Variants in ACSS3 observed in about 807,000 individuals in gnomAD.
ACSS3 encodes acyl-CoA synthetase short-chain family member 3, mitochondrial.
ACSS3 carries 64 observed loss-of-function variants against 84.2 expected under a neutral mutation model. The ratio of observed to expected loss-of-function variants is 0.76; its 90% CI spans 0.62 to 0.94. The LOEUF (loss-of-function observed/expected upper bound fraction) is 0.94, where lower values mean the gene tolerates loss of function less well. Among genes scored for constraint, ACSS3 ranks in the 40% least tolerant of loss-of-function variants. ACSS3 has a pLI of 0.00. For synonymous variants in ACSS3, 317 were observed against 310.1 expected, an observed-to-expected ratio of 1.02 and a Z score of -0.23; for missense variants, 815 against 867.6, an observed-to-expected ratio of 0.94 and a Z score of 0.76.
chr12:81,225,912 T>C (rs2033259016), intron 11 of ACSS3, among the ~76,000 whole-genome samples: 1 of 151,938 alleles, frequency 6.6e-6, no homozygotes, highest in Non-Finnish European at 1.5e-5. Flanking sequence ...TCTTCTCTAC[T>C]GTTCAAATCT....
chr12:81,216,764 A>C, intron 9 of ACSS3, 137 bp from the exon 10 acceptor site: 1 of 493,316 alleles, frequency 2.0e-6, no homozygotes, highest in Middle Eastern at 4.8e-4. Context: ...TTTAAATAAT[A>C]TATTTGCACT....
At chr12:81,214,679 T>G (rs182736671) in intron 9 of ACSS3, among the ~76,000 whole-genome samples, 39 of 152,288 alleles carry the variant, frequency 2.6e-4, no homozygotes, top group East Asian at 1.2e-3. Flanking sequence ...TGCAGCTTTA[T>G]TTAAGACTAG....
At position 81,220,081 on chromosome 12, in the gene ACSS3, G is replaced by A; in HGVS notation, c.1514+5G>A. The A allele has an allele frequency of 6.5e-7, 1 of 1,529,278 alleles. No individual in the cohort carries two copies. The highest frequency in any genetic ancestry group is 1.4e-5 in the African/African-American group (1 of 71,650). The allele number at this position is 1,529,278 out of a possible 1,614,324, so 94.7% of individuals were successfully genotyped here. On this transcript the variant is annotated splice_donor_5th_base_variant and intron_variant, in intron 11 of 15. Transcript: ENST00000548058. ...TTTAGGAAATATTGTGGTAAAGTAA[G>A]CAAAAATTTCAATACTACTATATTA...
chr12:81,216,195 T>C (rs1264875557), intron 9 of ACSS3, among the ~76,000 whole-genome samples: 2 of 151,404 alleles, frequency 1.3e-5, no homozygotes, highest in Admixed American at 6.6e-5. Context: ...TTTTTATTTT[T>C]ATTATTATTA....
Position 81,231,070 on chromosome 12 carries a change from C to A in ACSS3, c.1528C>A (p.Pro510Thr), listed in dbSNP as rs372804640. 3 of 1,610,414 alleles carry A rather than the reference C, an allele frequency of 1.9e-6. No homozygotes were observed. Among genetic ancestry groups the A allele is most frequent in the Non-Finnish European group, 2.5e-6 (3 of 1,178,026 alleles). The change falls in exon 12 of 16, where the codon CCT (proline) becomes ACT (threonine). Residue 510 changes from proline (P) to threonine (T), a missense_variant. Coordinates refer to ENST00000548058, the MANE Select transcript of ACSS3 (RefSeq NM_024560.4). ...TTTTTATATAAGGTTACCATTGCCA[C>A]CTGGGGCTTTTTCAGGACTCTGGAA... ...GNIVVKLPLP[P>T]GAFSGLWKNQ...
intron 5 of ACSS3, among the ~76,000 whole-genome samples, chr12:81,147,011 A>G (rs922673900): frequency 6.6e-6 from 1 of 151,936 alleles, no homozygotes. Flanking sequence ...AAAAAAAAAG[A>G]GTGAAAGTCA....
chr12:81,245,314 T>A (rs918699270), intron 13 of ACSS3, among the ~76,000 whole-genome samples: 1 of 151,976 alleles, frequency 6.6e-6, no homozygotes, highest in African/African-American at 2.4e-5. Context: ...TACAAAAAAT[T>A]AGCCAGGCGT....
At chr12:81,222,799 T>C (rs139167200) in intron 11 of ACSS3, among the ~76,000 whole-genome samples, 49 of 152,180 alleles carry the variant, frequency 3.2e-4, no homozygotes, top group Non-Finnish European at 1.9e-4. Context: ...TCTTAAGATA[T>C]AATAAAAAGG....
rs1436376260 is a variant in ACSS3 at position 81,260,892 on chromosome 12, T to C, written c.*5970T>C. On this transcript the variant is annotated 3_prime_UTR_variant, in exon 16 of 16. Transcript: ENST00000548058. ...TAAATATTTTGGTAAAGCATAGTTT[T>C]AGGTTGAAAAAAAATTATGAACATT... The C allele has an allele frequency of 6.6e-6, 1 of 152,190 alleles. No homozygotes were observed. The highest frequency in any genetic ancestry group is 1.5e-5 in the Non-Finnish European group (1 of 68,038). 9.4% of individuals were successfully genotyped at this position (152,190 alleles called of 1,614,324 possible). A position where few individuals can be genotyped will look rare whatever the true frequency, so the allele number is the denominator to read the frequency against.
intron 7 of ACSS3, 93 bp from the exon 8 acceptor site, chr12:81,174,693 TTA>T: frequency 7.9e-7 from 1 of 1,270,706 alleles, no homozygotes; most frequent in Non-Finnish European, 1.1e-6. Context: ...AAACCCCTTA[TTA>T]TTAATATTGT....
intron 8 of ACSS3, among the ~76,000 whole-genome samples, chr12:81,187,842 GAAA>G: frequency 6.6e-6 from 1 of 151,984 alleles, no homozygotes; most frequent in East Asian, 1.9e-4. Context: ...TGATAGCAGA[GAAA>G]TGGTTGCTAT....
chr12:81,227,607 T>C (rs1243477755), intron 11 of ACSS3, among the ~76,000 whole-genome samples: 1 of 151,918 alleles, frequency 6.6e-6, no homozygotes, highest in African/African-American at 2.4e-5. Flanking sequence ...TTTAGGTACG[T>C]TGGTCACACA....
At chr12:81,244,163 C>T (rs1337961683) in intron 13 of ACSS3, among the ~76,000 whole-genome samples, 2 of 152,096 alleles carry the variant, frequency 1.3e-5, no homozygotes, top group African/African-American at 2.4e-5. Context: ...CCTCTTGACA[C>T]TTTAAATATT....
At chr12:81,227,559 A>G (rs1348475190) in intron 11 of ACSS3, among the ~76,000 whole-genome samples, 1 of 151,914 alleles carries the variant, frequency 6.6e-6, no homozygotes, top group Non-Finnish European at 1.5e-5. Context: ...AATAGAAAGA[A>G]TGAATGAAAC....
At chr12:81,173,451 G>GT (rs959676481) in intron 7 of ACSS3, among the ~76,000 whole-genome samples, 20 of 151,854 alleles carry the variant, frequency 1.3e-4, no homozygotes, top group East Asian at 3.9e-4. Context: ...GATTGAAATA[G>GT]TTTTTTTTAA....
chr12:81,231,146 C>A lies in ACSS3; in HGVS notation c.1596+8C>A, dbSNP rs1170870526. ...TACTTTGAAAAATTTCCTGTAAGAA[C>A]TTTAATATGCTTTTTTATCTTCTTA... On this transcript the variant is annotated splice_region_variant and intron_variant, in intron 12 of 15. Coordinates refer to ENST00000548058, the MANE Select transcript of ACSS3 (RefSeq NM_024560.4). The A allele has an allele frequency of 2.5e-6, 4 of 1,576,036 alleles. No individual in the cohort carries two copies. The highest frequency in any genetic ancestry group is 1.4e-5 in the African/African-American group (1 of 73,616).
chr12:81,102,014 G>A (rs1264433134), intron 1 of ACSS3, among the ~76,000 whole-genome samples: 2 of 150,680 alleles, frequency 1.3e-5, no homozygotes, highest in African/African-American at 4.9e-5. Flanking sequence ...CCCATACCCT[G>A]GCTTTATATT....
chr12:81,126,597 A>G (rs916206025), intron 2 of ACSS3, among the ~76,000 whole-genome samples: 2 of 152,182 alleles, frequency 1.3e-5, no homozygotes, highest in Non-Finnish European at 2.9e-5. Context: ...ATGGAAGACA[A>G]TATTCCTTAT....
chr12:81,253,048 C>G (rs1347699101), intron 13 of ACSS3, among the ~76,000 whole-genome samples: 1 of 152,156 alleles, frequency 6.6e-6, no homozygotes, highest in East Asian at 1.9e-4. Context: ...TCCAGGTTAG[C>G]TGAGCAATTT....
Sources: allele counts gnomAD v4.1 joint callset (sites outside exome capture counted in the v4.1 genomes callset), GRCh38; gene constraint gnomAD v4.1.1; transcripts MANE v1.5; gene names NCBI Gene and HGNC (gene_info 2026-07-23, HGNC 2026-07-21).